Variants in GUCY2F observed in about 807,000 individuals in gnomAD.
The protein encoded by GUCY2F is retinal guanylyl cyclase 2.
Under a neutral mutation model 73.1 loss-of-function variants are expected in GUCY2F, and 61 were observed. That is an observed-to-expected ratio of 0.83 (90% CI 0.68 to 1.03). The LOEUF (loss-of-function observed/expected upper bound fraction) is 1.03. Ranked by LOEUF, GUCY2F falls within the 50% of genes least tolerant of loss-of-function variation. GUCY2F has a pLI of 0.00. For synonymous variants in GUCY2F, 331 were observed against 307.8 expected, an observed-to-expected ratio of 1.08 and a Z score of -0.79; for missense variants, 912 against 854.3, an observed-to-expected ratio of 1.07 and a Z score of -0.84.
intron 15 of GUCY2F, 78 bp from the exon 16 acceptor site, chrX:109,385,360 A>G (rs757597053): frequency 4.0e-6 from 2 of 501,099 alleles, no homozygotes; most frequent in Admixed American, 3.4e-5. Context: ...GCAAAGAGGA[A>G]GGAATGTATC....
chrX:109,459,354 A>G (rs73530251), intron 3 of GUCY2F, among the ~76,000 whole-genome samples: 4,692 of 111,498 alleles, frequency 0.042, 201 homozygotes, highest in African/African-American at 0.13. Context: ...GGAAAGAGTA[A>G]TTACAACCAC....
At chrX:109,386,026 T>A (rs893413054) in intron 15 of GUCY2F, among the ~76,000 whole-genome samples, 3 of 110,961 alleles carry the variant, frequency 2.7e-5, no homozygotes, top group Non-Finnish European at 5.7e-5. Context: ...GGTATCGAAC[T>A]CCTGAGCTCA....
intron 17 of GUCY2F, among the ~76,000 whole-genome samples, chrX:109,381,901 A>T (rs976030156): frequency 8.9e-6 from 1 of 112,640 alleles, no homozygotes; most frequent in Non-Finnish European, 1.9e-5. Context: ...TGCAGAAAAA[A>T]TCTCAATACT....
chrX:109,443,904 C>A (rs184852800), intron 6 of GUCY2F, among the ~76,000 whole-genome samples: 1 of 112,331 alleles, frequency 8.9e-6, no homozygotes, highest in East Asian at 2.8e-4. Context: ...ACATCCATTT[C>A]TCGATAAAAC....
chrX:109,389,147 G>C, intron 14 of GUCY2F, among the ~76,000 whole-genome samples: 1 of 112,041 alleles, frequency 8.9e-6, no homozygotes, highest in Admixed American at 9.4e-5. Context: ...ATACGATGAA[G>C]TTAGTTTTGC....
rs776540691 is a variant in GUCY2F at position 109,392,981 on chromosome X, G to A, written c.2499C>T (p.Ser833=). ...SMLRMLEQYS[S]NLEDLIRERT... ...GCTCCCGAATCAAATCTTCCAAGTT[G>A]CTAGAATATTGCTCCAACATCCGAA... Residue 833 remains serine (S), a synonymous_variant, in exon 13 of 20, where the codon AGC becomes AGT. Coordinates refer to ENST00000218006, the MANE Select transcript of GUCY2F (RefSeq NM_001522.3). The A allele has an allele frequency of 6.3e-5, 71 of 1,129,855 alleles. No individual in the cohort carries two copies. Among genetic ancestry groups the A allele is most frequent in the Non-Finnish European group, 7.7e-5 (63 of 822,558 alleles). 93.1% of individuals were successfully genotyped at this position (1,129,855 alleles called of 1,213,427 possible).
rs951647042 is a variant in GUCY2F at position 109,471,314 on chromosome X, CGAG to C, written c.730+3890_730+3892del. On this transcript the variant is annotated intron_variant, in intron 2 of 19. Transcript: ENST00000218006. Reference sequence around the variant, plus strand: ...AGCACAGGGCTGATCAGCAAGAAGGCGAGGAGAAGAGAGGGCTTAGAATAGCCA... The same window carrying C: ...AGCACAGGGCTGATCAGCAAGAAGGCGAGAAGAGAGGGCTTAGAATAGCCA... 9.8e-5 allele frequency among the ~76,000 whole-genome samples: 11 copies of C among 112,155 alleles called. No individual in the cohort carries two copies. The South Asian group carries it at 1.1e-3, about 11-fold the overall frequency.
intron 3 of GUCY2F, among the ~76,000 whole-genome samples, chrX:109,464,119 T>G (rs1308739010): frequency 8.9e-6 from 1 of 112,502 alleles, no homozygotes; most frequent in Non-Finnish European, 1.9e-5. Context: ...AAATGTCTGC[T>G]TTCTACATCT....
At chrX:109,429,346 G>A (rs1931559875) in intron 8 of GUCY2F, among the ~76,000 whole-genome samples, 1 of 108,316 alleles carries the variant, frequency 9.2e-6, no homozygotes, top group Middle Eastern at 4.7e-3. Flanking sequence ...CCCAGGAGGC[G>A]GAGGTTGCAG....
chrX:109,386,068 C>T (rs1489428869), intron 15 of GUCY2F, among the ~76,000 whole-genome samples: 1 of 111,421 alleles, frequency 9.0e-6, no homozygotes, highest in East Asian at 2.8e-4. Flanking sequence ...TCCCAAAGTA[C>T]TGGGATTACA....
chrX:109,428,159 A>G (rs1931529821), intron 8 of GUCY2F, among the ~76,000 whole-genome samples: 1 of 112,290 alleles, frequency 8.9e-6, no homozygotes, highest in South Asian at 3.7e-4. Flanking sequence ...TAAAACTTTG[A>G]TGAAGAACAG....
chrX:109,460,106 C>A (rs1372917611), intron 3 of GUCY2F, among the ~76,000 whole-genome samples: 1 of 111,214 alleles, frequency 9.0e-6, no homozygotes, highest in Admixed American at 9.6e-5. Context: ...AAAATATGGA[C>A]CATATAAGAT....
In GUCY2F at chrX:109,388,560, C is replaced by T. The variant is rs747085313; in HGVS notation, c.2885G>A (p.Ser962Asn). 1.7e-5 allele frequency: 21 copies of T among 1,200,672 alleles called. No homozygotes were observed. The highest frequency in any genetic ancestry group is 2.3e-5 in the Non-Finnish European group (20 of 886,889). ...CCGCATCTTGAAAGTGCCCACAGAG[C>T]TCAGGATATCTAAGGACATGTTTGC... The part of the protein sequence containing the change: ...EIANMSLDIL[S>N]SVGTFKMRHM... The change falls in exon 15 of 20, where the codon AGC becomes AAC. Residue 962 changes from serine to asparagine, a missense_variant. Coordinates refer to ENST00000218006, the MANE Select transcript of GUCY2F (RefSeq NM_001522.3).
intron 14 of GUCY2F, among the ~76,000 whole-genome samples, chrX:109,391,006 G>C: frequency 8.9e-6 from 1 of 112,417 alleles, no homozygotes; most frequent in East Asian, 2.8e-4. Context: ...CCAATGAATG[G>C]AGCTACTCAT....
At chrX:109,443,250 C>T (rs1198483684) in intron 6 of GUCY2F, among the ~76,000 whole-genome samples, 3 of 110,995 alleles carry the variant, frequency 2.7e-5, no homozygotes, top group South Asian at 3.8e-4. Flanking sequence ...TAGGGTAATG[C>T]CATCCTTTTC....
chrX:109,475,747 C>T lies in GUCY2F; in HGVS notation c.190G>A (p.Asp64Asn). The stretch of plus-strand genomic sequence containing the variant: ...GGCAGGGCCTTTGAAAACAGCGAAT[C>T]ACAAGCCCAAGGGCCCACCACCCCT... ...KIGVVGPWACDSLFSKALPEV... is the reference protein window; with the variant it reads ...KIGVVGPWACNSLFSKALPEV... Residue 64 changes from aspartate (D) to asparagine (N), a missense_variant, in exon 2 of 20, where the codon GAT becomes AAT. Transcript: ENST00000218006. 1 of 1,211,221 alleles carries T rather than the reference C, an allele frequency of 8.3e-7. No homozygotes were observed. Among genetic ancestry groups the T allele is most frequent in the Non-Finnish European group, 1.1e-6 (1 of 895,055 alleles).
intron 14 of GUCY2F, among the ~76,000 whole-genome samples, chrX:109,390,718 T>C (rs1217340591): frequency 8.9e-6 from 1 of 112,853 alleles, no homozygotes; most frequent in Non-Finnish European, 1.9e-5. Context: ...TTTCAGTGAT[T>C]TGTTTTTCTC....
chrX:109,473,535 G>C (rs918279822), intron 2 of GUCY2F, among the ~76,000 whole-genome samples: 2 of 111,712 alleles, frequency 1.8e-5, no homozygotes, highest in African/African-American at 6.5e-5. Flanking sequence ...TGTGGCACCA[G>C]TATTCTTGAA....
At chrX:109,416,958 C>T (rs1317429929) in intron 8 of GUCY2F, among the ~76,000 whole-genome samples, 1 of 96,679 alleles carries the variant, frequency 1.0e-5, no homozygotes, top group Non-Finnish European at 2.1e-5. Context: ...ACCAATGAAA[C>T]GAAATCTTTA....
Sources: gnomAD v4.1 joint callset for allele counts (sites outside exome capture counted in the v4.1 genomes callset) on GRCh38, gnomAD v4.1.1 for gene constraint, MANE v1.5 for transcripts, NCBI Gene and HGNC (gene_info 2026-07-23, HGNC 2026-07-21) for gene names.